Variants in DDC observed in about 807,000 individuals in gnomAD.
DDC encodes the protein aromatic-L-amino-acid decarboxylase.
Under a neutral mutation model 60.0 loss-of-function variants are expected in DDC, and 43 were observed. The ratio of observed to expected loss-of-function variants is 0.72; its 90% CI spans 0.56 to 0.92. The LOEUF is 0.92. Ranked by LOEUF, DDC falls within the 40% of genes least tolerant of loss-of-function variation. The probability of loss-of-function intolerance (pLI) is 0.00; values close to 1 mark genes in which losing one functional copy is unlikely to be tolerated. For synonymous variants in DDC, 232 were observed against 234.6 expected, an observed-to-expected ratio of 0.99 and a Z score of 0.10; for missense variants, 573 against 620.2, an observed-to-expected ratio of 0.92 and a Z score of 0.81.
At chr7:50,462,855 C>T (rs1191269744) in intron 14 of DDC, among the ~76,000 whole-genome samples, 4 of 149,718 alleles carry the variant, frequency 2.7e-5, no homozygotes, top group African/African-American at 5.0e-5. Flanking sequence ...CGGCAACCTC[C>T]GCCTCCCAGG....
rs2042172867 is a variant in DDC, at chr7:50,458,457, T to G, written c.*405A>C. 6.6e-6 allele frequency: 1 copy of G among 152,240 alleles called. No homozygotes were observed. The highest frequency in any genetic ancestry group is 2.4e-5 in the African/African-American group (1 of 41,464). The allele number at this position is 152,240 out of a possible 1,614,324, so 9.4% of individuals were successfully genotyped here. On this transcript the variant is annotated 3_prime_UTR_variant, in exon 15 of 15. Coordinates refer to ENST00000444124, the MANE Select transcript of DDC (RefSeq NM_001082971.2). Reference sequence around the variant, plus strand: ...ACAATTAGTATTTCACTTGAATTGTTTATTAGGCATTTAGCCACATGACAA... The same window carrying G: ...ACAATTAGTATTTCACTTGAATTGTGTATTAGGCATTTAGCCACATGACAA...
intron 1 of DDC, among the ~76,000 whole-genome samples, chr7:50,556,957 G>C (rs1254331976): frequency 6.6e-6 from 1 of 152,210 alleles, no homozygotes; most frequent in East Asian, 1.9e-4. Flanking sequence ...ACGTCTTGGA[G>C]TCTCTGAGTC....
chr7:50,482,635 T>C (rs2042794909), intron 9 of DDC, among the ~76,000 whole-genome samples: 1 of 152,220 alleles, frequency 6.6e-6, no homozygotes, highest in South Asian at 2.1e-4. Flanking sequence ...GGATATTTAT[T>C]AGAATTGTGC....
At position 50,495,376 on chromosome 7, in the gene DDC, C is replaced by T; in HGVS notation, c.918G>A (p.Leu306=). 5 of 1,613,246 alleles carry T rather than the reference C, an allele frequency of 3.1e-6. No individual in the cohort carries two copies. Among genetic ancestry groups the T allele is most frequent in the Non-Finnish European group, 4.2e-6 (5 of 1,179,598 alleles). ...ACATGGCAGAACAGTCAAAATTCAC[C>T]AATAGCCATTTGTGGGGATTAAAGT... ...SFNFNPHKWL[L]VNFDCSAMWV... Residue 306 remains leucine, a synonymous_variant, in exon 9 of 15, where the codon TTG becomes TTA. Coordinates refer to ENST00000444124, the MANE Select transcript of DDC (RefSeq NM_001082971.2).
chr7:50,495,567 T>TGCCCAGGGGAGTAGTGCCCAGGGGA, intron 8 of DDC, 150 bp from the exon 9 acceptor site: 1 of 692,626 alleles, frequency 1.4e-6, no homozygotes, highest in Admixed American at 2.1e-5. Context: ...AGTAGTAACT[T>TGCCCAGGGGAGTAGTGCCCAGGGGA]GTAGTGGGTA....
At chr7:50,526,585 A>G (rs531846648) in intron 6 of DDC, among the ~76,000 whole-genome samples, 1 of 152,350 alleles carries the variant, frequency 6.6e-6, no homozygotes, top group African/African-American at 2.4e-5. Flanking sequence ...GAGCCAAATA[A>G]AAAACAAATA....
intron 6 of DDC, among the ~76,000 whole-genome samples, chr7:50,513,605 C>A (rs2153542549): frequency 6.6e-6 from 1 of 152,256 alleles, no homozygotes; most frequent in East Asian, 1.9e-4. Context: ...CTCGCCCATG[C>A]CCAGAAACAG....
chr7:50,544,168 C>A (rs921142067), intron 1 of DDC, 55 bp from the exon 2 acceptor site: 4 of 1,380,112 alleles, frequency 2.9e-6, no homozygotes, highest in Admixed American at 1.7e-5. Flanking sequence ...AACTGGAAGG[C>A]GGGGATACCA....
At chr7:50,513,298 G>A (rs2043635533) in intron 6 of DDC, among the ~76,000 whole-genome samples, 1 of 152,188 alleles carries the variant, frequency 6.6e-6, no homozygotes, top group African/African-American at 2.4e-5. Context: ...CAAAATACAG[G>A]GGTAGAGGAA....
intron 1 of DDC, among the ~76,000 whole-genome samples, chr7:50,553,419 C>T (rs1042883595): frequency 2.0e-5 from 3 of 151,886 alleles, no homozygotes; most frequent in Admixed American, 6.6e-5. Flanking sequence ...CCAGGCACAA[C>T]ACTAATTTGG....
chr7:50,519,562 A>AT (rs1164063660), intron 6 of DDC, among the ~76,000 whole-genome samples: 3 of 152,248 alleles, frequency 2.0e-5, no homozygotes, highest in Admixed American at 1.3e-4. Context: ...CTACTCAGCC[A>AT]TAAAAAGTAA....
chr7:50,547,740 A>T lies in DDC; in HGVS notation c.-28-3627T>A, dbSNP rs183282099. On this transcript the variant is annotated intron_variant, in intron 1 of 14. Coordinates refer to ENST00000444124, the MANE Select transcript of DDC (RefSeq NM_001082971.2). The stretch of plus-strand genomic sequence containing the variant: ...TCTATGTATTAGCTATCATAATCGC[A>T]TGTATTAGCTATTATAACAGCATGT... 3.8e-3 allele frequency among the ~76,000 whole-genome samples: 577 copies of T among 152,332 alleles called. 1 individual carries two copies. The highest frequency in any genetic ancestry group is 6.7e-3 in the Non-Finnish European group (458 of 68,030).
intron 9 of DDC, among the ~76,000 whole-genome samples, chr7:50,488,557 C>G (rs187399600): frequency 4.5e-4 from 68 of 151,928 alleles, no homozygotes; most frequent in Admixed American, 1.8e-3. Flanking sequence ...TGGGATAAAA[C>G]AGAAACTCCA....
chr7:50,469,479 A>T (rs1463301729), intron 12 of DDC, among the ~76,000 whole-genome samples: 3 of 152,096 alleles, frequency 2.0e-5, no homozygotes, highest in Non-Finnish European at 2.9e-5. Flanking sequence ...CACAGTCCTT[A>T]TGTTCTCATA....
Position 50,476,658 on chromosome 7 carries a change from A to G in DDC, c.1022-15T>C. On this transcript the variant is annotated splice_polypyrimidine_tract_variant and intron_variant, in intron 10 of 14. Coordinates refer to ENST00000444124, the MANE Select transcript of DDC (RefSeq NM_001082971.2). ...AGTGATAAGCCCTGGAGAAAAGAGA[A>G]AGAAAAAGAAAAAAGAAATCGTTAG... 1 of 1,608,504 alleles carries G rather than the reference A, an allele frequency of 6.2e-7. No individual in the cohort carries two copies.
intron 14 of DDC, among the ~76,000 whole-genome samples, chr7:50,460,041 C>T (rs1291063598): frequency 6.8e-6 from 1 of 146,912 alleles, no homozygotes; most frequent in Non-Finnish European, 1.5e-5. Context: ...CCAGCTGCCC[C>T]GTCCGGGAAG....
chr7:50,526,040 G>A (rs2044029234), intron 6 of DDC, among the ~76,000 whole-genome samples: 1 of 152,184 alleles, frequency 6.6e-6, no homozygotes, highest in Middle Eastern at 3.4e-3. Context: ...AAGATAATAG[G>A]TTAGAATTTT....
intron 1 of DDC, among the ~76,000 whole-genome samples, chr7:50,562,386 C>T (rs989466883): frequency 2.6e-5 from 4 of 152,214 alleles, no homozygotes; most frequent in East Asian, 1.9e-4. Flanking sequence ...GCTGCCCAAG[C>T]GTCACCATCC....
At chr7:50,467,730 TATC>T (rs1201392461) in intron 12 of DDC, among the ~76,000 whole-genome samples, 1 of 152,172 alleles carries the variant, frequency 6.6e-6, no homozygotes, top group Non-Finnish European at 1.5e-5. Context: ...ACACAGAAGA[TATC>T]ATGATTATCC....
Sources: allele counts gnomAD v4.1 joint callset (sites outside exome capture counted in the v4.1 genomes callset), GRCh38; gene constraint gnomAD v4.1.1; transcripts MANE v1.5; gene names NCBI Gene and HGNC (gene_info 2026-07-23, HGNC 2026-07-21).